ODF2: variants seen among roughly 807,000 people sequenced by gnomAD.
The protein encoded by ODF2 is outer dense fiber of sperm tails 2.
ODF2 carries 47 observed loss-of-function variants against 110.2 expected under a neutral mutation model. That is an observed-to-expected ratio of 0.43 (90% CI 0.34 to 0.54). The LOEUF is 0.54. ODF2 is among the 20% of genes least tolerant of loss of function. The probability of loss-of-function intolerance (pLI) is 0.03; values close to 1 mark genes in which losing one functional copy is unlikely to be tolerated. For missense variants in ODF2, 812 were observed against 1,054.5 expected (o/e 0.77, Z 3.19); for synonymous variants, 352 against 397.7 (o/e 0.89, Z 1.37).
chr9:128,457,554 C>G, intron 2 of ODF2: 2 of 1,325,972 alleles, frequency 1.5e-6, no homozygotes, highest in Non-Finnish European at 2.0e-6. Flanking sequence ...AAAGTCTGGA[C>G]CAAAACGTTT....
chr9:128,487,639 T>TA (rs2132107659), intron 13 of ODF2, among the ~76,000 whole-genome samples: 1 of 151,928 alleles, frequency 6.6e-6, no homozygotes, highest in East Asian at 1.9e-4. Context: ...TACAAGAACT[T>TA]AGCCGGGCGT....
intron 4 of ODF2, chr9:128,461,370 T>G (rs1369242709): frequency 3.1e-6 from 1 of 325,644 alleles, no homozygotes; most frequent in Admixed American, 4.2e-5. Flanking sequence ...GGCAGTACTC[T>G]TAGCCTCTCT....
At chr9:128,460,027 A>C in intron 3 of ODF2, 1 of 720,520 alleles carries the variant, frequency 1.4e-6, no homozygotes, top group African/African-American at 1.8e-5. Flanking sequence ...TTTCTTTAGA[A>C]TCTAGACAGC....
At chr9:128,490,284 C>CT (rs1174607692) in intron 14 of ODF2, among the ~76,000 whole-genome samples, 3 of 151,832 alleles carry the variant, frequency 2.0e-5, no homozygotes, top group Middle Eastern at 3.4e-3. Context: ...TTTTCCTAGT[C>CT]TAATTTTTTT....
At chr9:128,473,090 G>C (rs1266258654) in intron 7 of ODF2, 48 bp downstream of exon 7, 4 of 1,611,522 alleles carry the variant, frequency 2.5e-6, no homozygotes, top group African/African-American at 2.7e-5. Context: ...GCCTCGGGAG[G>C]GGGCAGCTGC....
chr9:128,463,665 G>A (rs765560251), intron 4 of ODF2, among the ~76,000 whole-genome samples: 1 of 143,640 alleles, frequency 7.0e-6, no homozygotes, highest in Non-Finnish European at 1.5e-5. Flanking sequence ...ACATTTGGCC[G>A]GCCCTATTTG....
Position 128,482,895 on chromosome 9 carries a change from G to C in ODF2, c.987+8G>C. On this transcript the variant is annotated splice_region_variant and intron_variant, in intron 10 of 20. Coordinates refer to ENST00000604420, the Ensembl canonical transcript of ODF2. ...GAAATACAATGTGAGAAGGTAGTGT[G>C]CTTTTTTTTTTTTTTTTTTTAGACG... 3 of 1,435,994 alleles carry C rather than the reference G, an allele frequency of 2.1e-6. No individual in the cohort carries two copies. Among genetic ancestry groups the C allele is most frequent in the East Asian group, 4.9e-5 (2 of 41,232 alleles). 89.0% of individuals were successfully genotyped at this position (1,435,994 alleles called of 1,614,324 possible). A position where few individuals can be genotyped will look rare whatever the true frequency, so the allele number is the denominator to read the frequency against.
intron 5 of ODF2, among the ~76,000 whole-genome samples, 195 bp from the exon 6 acceptor site, chr9:128,471,113 C>T (rs1243103705): frequency 1.3e-5 from 2 of 152,102 alleles, no homozygotes; most frequent in Non-Finnish European, 2.9e-5. Context: ...GGGGTTTCAC[C>T]ATGTTGGTCA....
chr9:128,496,052 G>C (rs1398543759), exon 18 of ODF2: 1 of 1,613,850 alleles, frequency 6.2e-7, no homozygotes. Context: ...TCGAACACCA[G>C]GGGGACAAGC....
chr9:128,477,124 C>T (rs1841444385), intron 8 of ODF2, among the ~76,000 whole-genome samples: 1 of 150,960 alleles, frequency 6.6e-6, no homozygotes, highest in East Asian at 2.0e-4. Context: ...ATCAACTACT[C>T]GGGAGGCTGA....
At chr9:128,496,226 A>C in intron 18 of ODF2, 85 bp downstream of exon 18, 2 of 1,592,718 alleles carry the variant, frequency 1.3e-6, no homozygotes, top group Non-Finnish European at 1.7e-6. Context: ...TAGTGTGCGG[A>C]AGTGTTGAGG....
In ODF2 at chr9:128,460,681, G is replaced by A. The variant is rs746992334; in HGVS notation, c.124-261G>A. On this transcript the variant is annotated intron_variant, in intron 3 of 20. Coordinates refer to ENST00000604420, the Ensembl canonical transcript of ODF2. ...CCAGCAGCCAGGTAGGAGCATGCCA[G>A]TGGGGCGAGGTAGTAGCTGTGGATC... The A allele has an allele frequency of 6.2e-7, 1 of 1,613,800 alleles. No individual in the cohort carries two copies. Among genetic ancestry groups the A allele is most frequent in the Non-Finnish European group, 8.5e-7 (1 of 1,179,864 alleles).
At chr9:128,480,006 C>T (rs1271280549) in intron 8 of ODF2, among the ~76,000 whole-genome samples, 1 of 152,118 alleles carries the variant, frequency 6.6e-6, no homozygotes, top group African/African-American at 2.4e-5. Context: ...CCTGTGGTCC[C>T]AGCTACTGAG....
At chr9:128,482,792 C>A in intron 9 of ODF2, 24 bp from the exon 10 acceptor site, 1 of 1,606,556 alleles carries the variant, frequency 6.2e-7, no homozygotes. Context: ...CCAGGGGCAC[C>A]TGACAGCCTG....
At position 128,494,741 on chromosome 9, in the gene ODF2, C is replaced by A; in HGVS notation, c.1911+73C>A. On this transcript the variant is annotated intron_variant, in intron 17 of 20. Coordinates refer to ENST00000604420, the Ensembl canonical transcript of ODF2. This position sits in a 1 kb window ranked among gnomAD's most constrained non-coding sequence, Gnocchi z 4.6. Reference sequence around the variant, plus strand: ...CCGCATACCAAGATGAGCTGCACGCCCCCCAAGGGAGGACTACTTCCTTTT... The same window carrying A: ...CCGCATACCAAGATGAGCTGCACGCACCCCAAGGGAGGACTACTTCCTTTT... 1 of 1,613,584 alleles carries A rather than the reference C, an allele frequency of 6.2e-7. No individual in the cohort carries two copies. Among genetic ancestry groups the A allele is most frequent in the Non-Finnish European group, 8.5e-7 (1 of 1,179,854 alleles).
At chr9:128,467,744 CA>C (rs5900797) in intron 4 of ODF2, among the ~76,000 whole-genome samples, 35 of 117,852 alleles carry the variant, frequency 3.0e-4, no homozygotes, top group South Asian at 1.7e-3. Flanking sequence ...GACCCTGTCT[CA>C]AAAAAAAAAA....
At chr9:128,496,674 G>A (rs933448009) in intron 18 of ODF2, among the ~76,000 whole-genome samples, 1 of 152,210 alleles carries the variant, frequency 6.6e-6, no homozygotes, top group African/African-American at 2.4e-5. Flanking sequence ...TTCCTTTGAA[G>A]CTCAATTTCC....
chr9:128,494,971 A>G lies in ODF2; in HGVS notation c.1911+303A>G. ...GCTCCGCAGCTGTCCTCAGCTCCAC[A>G]CCCACAGCTGGGAGATGCCAGCAGA... On this transcript the variant is annotated intron_variant, in intron 17 of 20. Transcript: ENST00000604420. The surrounding 1 kb of genome is among the most constrained non-coding windows in gnomAD (Gnocchi z 4.6). 2.8e-6 allele frequency: 2 copies of G among 703,508 alleles called. No homozygotes were observed. Among genetic ancestry groups the G allele is most frequent in the South Asian group, 2.0e-5 (1 of 49,202 alleles). The allele number at this position is 703,508 out of a possible 1,614,324, so 43.6% of individuals were successfully genotyped here.
rs577833799 is a variant in ODF2, at chr9:128,475,064, G to A, written c.843+1323G>A. ...TCGTGGATTCAGCCAACCTTGGATTGAAGATATTTGGAAAAAATTACATAT... is the reference window on the plus strand; with the variant it reads ...TCGTGGATTCAGCCAACCTTGGATTAAAGATATTTGGAAAAAATTACATAT... On this transcript the variant is annotated intron_variant, in intron 8 of 20. Coordinates refer to ENST00000604420, the Ensembl canonical transcript of ODF2. 5.9e-5 allele frequency among the ~76,000 whole-genome samples: 9 copies of A among 151,578 alleles called. No individual in the cohort carries two copies. The South Asian group carries it at 1.9e-3, about 32-fold the overall frequency.
Sources: gnomAD v4.1 joint callset for allele counts (sites outside exome capture counted in the v4.1 genomes callset) on GRCh38, gnomAD v4.1.1 for gene constraint, Gnocchi (gnomAD v3.1) non-coding constraint, MANE v1.5 for transcripts, NCBI Gene and HGNC (gene_info 2026-07-23, HGNC 2026-07-21) for gene names.